NEK2: variants seen among roughly 807,000 people sequenced by gnomAD.
The protein encoded by NEK2 is serine/threonine-protein kinase Nek2.
A neutral mutation model predicts 54.1 loss-of-function variants in NEK2; 28 were observed. The observed-to-expected ratio is 0.52, with a 90% CI of 0.38 to 0.71. The LOEUF (loss-of-function observed/expected upper bound fraction) is 0.71, where lower values mean the gene tolerates loss of function less well. Among genes scored for constraint, NEK2 ranks in the 30% least tolerant of loss-of-function variants. The probability of loss-of-function intolerance (pLI) is 0.00; values close to 1 mark genes in which losing one functional copy is unlikely to be tolerated. For synonymous variants in NEK2, 176 were observed against 193.1 expected (o/e 0.91, Z 0.73); for missense variants, 407 against 531.5 (o/e 0.77, Z 2.30).
downstream of NEK2, chr1:211,661,133 A>G: frequency 4.0e-6 from 3 of 746,006 alleles, no homozygotes; most frequent in Non-Finnish European, 7.5e-6. Flanking sequence ...GGGCGATAGC[A>G]TCTCCTGTCT....
chr1:211,668,066 A>T (rs920496981), intron 6 of NEK2, among the ~76,000 whole-genome samples: 10 of 152,166 alleles, frequency 6.6e-5, no homozygotes, highest in African/African-American at 2.2e-4. Flanking sequence ...AAAGAAAAGA[A>T]ATTATGAAAC....
At chr1:211,670,534 G>T (rs1281092354) in intron 4 of NEK2, 127 bp from the exon 5 acceptor site, 1 of 1,107,966 alleles carries the variant, frequency 9.0e-7, no homozygotes, top group Non-Finnish European at 1.3e-6. Flanking sequence ...CTACTTCTGG[G>T]ATTTTCTTCT....
chr1:211,660,017 C>T (rs1654977260), downstream of NEK2, among the ~76,000 whole-genome samples: 1 of 152,200 alleles, frequency 6.6e-6, no homozygotes, highest in African/African-American at 2.4e-5. Flanking sequence ...GAGACAGTGT[C>T]TCACTACATT....
chr1:211,666,156 C>T (rs1310161169), intron 7 of NEK2, among the ~76,000 whole-genome samples: 2 of 150,984 alleles, frequency 1.3e-5, no homozygotes, highest in East Asian at 2.0e-4. Flanking sequence ...CTGGTATATA[C>T]GATAACCACA....
chr1:211,666,062 A>G (rs182491505), intron 7 of NEK2, among the ~76,000 whole-genome samples: 144 of 152,368 alleles, frequency 9.5e-4, no homozygotes, highest in Admixed American at 1.9e-3. Flanking sequence ...GATGTTTCAC[A>G]GTTTGCATTT....
At chr1:211,675,322 G>T in intron 1 of NEK2, 62 bp downstream of exon 1, 1 of 1,481,686 alleles carries the variant, frequency 6.7e-7, no homozygotes, top group Non-Finnish European at 9.4e-7. Context: ...GTGGCGCAGG[G>T]CGCTCGCCCC....
intron 6 of NEK2, among the ~76,000 whole-genome samples, chr1:211,668,084 A>G (rs1490432996): frequency 6.6e-6 from 1 of 151,998 alleles, no homozygotes; most frequent in African/African-American, 2.4e-5. Flanking sequence ...AACACTGGGG[A>G]AAGTTATAAG....
intron 7 of NEK2, among the ~76,000 whole-genome samples, chr1:211,665,311 G>C (rs1655141701): frequency 6.6e-6 from 1 of 152,074 alleles, no homozygotes; most frequent in Admixed American, 6.5e-5. Context: ...TAAAATGTCT[G>C]CTTGCCCCAG....
intron 1 of NEK2, 91 bp downstream of exon 1, chr1:211,675,293 G>A: frequency 8.7e-7 from 1 of 1,146,362 alleles, no homozygotes; most frequent in South Asian, 1.3e-5. Flanking sequence ...CATTTCCTCA[G>A]CCCTGTCGGT....
At chr1:211,660,885 G>A (rs61731125), downstream of NEK2, 240 of 727,972 alleles carry the variant, frequency 3.3e-4, no homozygotes, top group African/African-American at 3.5e-3. Context: ...CCAAACCCAC[G>A]CCCAGCTTCT....
At chr1:211,672,630 A>AC (rs1655434118) in intron 3 of NEK2, among the ~76,000 whole-genome samples, 1 of 151,608 alleles carries the variant, frequency 6.6e-6, no homozygotes, top group Non-Finnish European at 1.5e-5. Flanking sequence ...AAAAAAAAAA[A>AC]CAGAGTTCAA....
intron 4 of NEK2, 157 bp downstream of exon 4, chr1:211,671,045 T>C (rs1166004005): frequency 8.1e-6 from 5 of 615,104 alleles, no homozygotes; most frequent in Non-Finnish European, 1.2e-5. Context: ...ATAGTTTCTT[T>C]TAGCCTGTTC....
chr1:211,665,324 G>T (rs1001807997), intron 7 of NEK2, among the ~76,000 whole-genome samples: 19 of 152,080 alleles, frequency 1.2e-4, no homozygotes, highest in African/African-American at 4.6e-4. Flanking sequence ...TGCCCCAGTG[G>T]ATACTTGATT....
At chr1:211,668,046 CA>C (rs1455637349) in intron 6 of NEK2, among the ~76,000 whole-genome samples, 97 of 125,536 alleles carry the variant, frequency 7.7e-4, no homozygotes, top group Admixed American at 9.0e-4. Context: ...AATTCCATCT[CA>C]AAAAAAAAAA....
intron 5 of NEK2, 102 bp downstream of exon 5, chr1:211,670,179 T>C: frequency 8.3e-7 from 1 of 1,205,380 alleles, no homozygotes; most frequent in African/African-American, 1.6e-5. Flanking sequence ...AGAAAGTATA[T>C]TTAACGTTTC....
intron 4 of NEK2, 113 bp downstream of exon 4, chr1:211,671,089 T>G (rs1233526446): frequency 3.1e-5 from 24 of 782,670 alleles, no homozygotes; most frequent in Non-Finnish European, 5.3e-5. Flanking sequence ...AGGGTACAAT[T>G]CTTTCAGACT....
downstream of NEK2, chr1:211,660,430 T>C: frequency 1.4e-6 from 1 of 703,570 alleles, no homozygotes; most frequent in Non-Finnish European, 2.6e-6. Flanking sequence ...AGTGGCCCAT[T>C]GCAGACACTG....
intron 7 of NEK2, chr1:211,666,355 C>T (rs890508116): frequency 1.3e-5 from 3 of 226,028 alleles, no homozygotes; most frequent in Non-Finnish European, 2.2e-5. Flanking sequence ...ACGTGACAGC[C>T]TATTCTGCAG....
chr1:211,673,814 ATTT>A (rs2102447559), intron 2 of NEK2, 91 bp from the exon 3 acceptor site: 45 of 1,127,924 alleles, frequency 4.0e-5, no homozygotes, highest in Middle Eastern at 2.5e-4. Context: ...CAAATAGGGA[ATTT>A]ATTTATTTAT....
Sources: gnomAD v4.1 joint callset for allele counts (sites outside exome capture counted in the v4.1 genomes callset) on GRCh38, gnomAD v4.1.1 for gene constraint, MANE v1.5 for transcripts, NCBI Gene and HGNC (gene_info 2026-07-23, HGNC 2026-07-21) for gene names.